The following CEMIP2 variants were observed in gnomAD, a reference collection of about 807,000 sequenced individuals.
CEMIP2 encodes the protein cell migration inducing hyaluronidase 2.
CEMIP2 carries 79 observed loss-of-function variants against 146.9 expected under a neutral mutation model. That is an observed-to-expected ratio of 0.54 (90% CI 0.45 to 0.65). The LOEUF (loss-of-function observed/expected upper bound fraction) is 0.65. Among genes scored for constraint, CEMIP2 ranks in the 30% least tolerant of loss-of-function variants. CEMIP2 has a pLI of 0.00. For missense variants in CEMIP2, 1,596 were observed against 1,696.2 expected, an observed-to-expected ratio of 0.94 and a Z score of 1.04; for synonymous variants, 601 against 606.3, an observed-to-expected ratio of 0.99 and a Z score of 0.13.
At position 71,761,865 on chromosome 9, in the gene CEMIP2, C is replaced by T. The variant is rs948788138; in HGVS notation, c.-13+6492G>A. Among the ~76,000 whole-genome samples, 11 of 152,262 alleles carry T rather than the reference C, an allele frequency of 7.2e-5. 1 individual carries two copies. The highest frequency in any genetic ancestry group is 5.8e-4 in the East Asian group (3 of 5,186). ...GTGATTGCTTGAGTTTATTAAATCCCTATGAATGGAATAGAGCTTAATTTT... is the reference window on the plus strand; with the variant it reads ...GTGATTGCTTGAGTTTATTAAATCCTTATGAATGGAATAGAGCTTAATTTT... On this transcript the variant is annotated intron_variant, in intron 1 of 23. Coordinates refer to ENST00000377044, the MANE Select transcript of CEMIP2 (RefSeq NM_013390.3).
intron 1 of CEMIP2, among the ~76,000 whole-genome samples, chr9:71,757,909 T>G (rs547113757): frequency 6.6e-6 from 1 of 152,310 alleles, no homozygotes; most frequent in East Asian, 1.9e-4. Flanking sequence ...ACTTTTTAGG[T>G]CCTCTAATTC....
chr9:71,756,755 T>C (rs187669698), intron 1 of CEMIP2, among the ~76,000 whole-genome samples: 9 of 152,318 alleles, frequency 5.9e-5, no homozygotes, highest in African/African-American at 1.7e-4. Flanking sequence ...TAAAAGGTAT[T>C]ATTAACAACT....
At chr9:71,749,467 A>G (rs1032999299) in intron 2 of CEMIP2, among the ~76,000 whole-genome samples, 4 of 151,904 alleles carry the variant, frequency 2.6e-5, no homozygotes, top group Non-Finnish European at 5.9e-5. Context: ...GCACTTTGGG[A>G]GGCCAAGACA....
At chr9:71,709,190 T>A in intron 17 of CEMIP2, 69 bp downstream of exon 17, 1 of 1,406,310 alleles carries the variant, frequency 7.1e-7, no homozygotes, top group Non-Finnish European at 1.0e-6. Context: ...AGCTGAAGAG[T>A]ACTTCTCACA....
rs765345895 is a variant in CEMIP2, at chr9:71,745,431, C to T, written c.621G>A (p.Lys207=). The T allele has an allele frequency of 2.5e-6, 4 of 1,614,150 alleles. No individual in the cohort carries two copies. Among genetic ancestry groups the T allele is most frequent in the Non-Finnish European group, 3.4e-6 (4 of 1,180,020 alleles). Residue 207 remains lysine, a synonymous_variant, in exon 4 of 24, where the codon AAG becomes AAA. Transcript: ENST00000377044. ...KSKATITLYG[K]SDEGESMPTF... ...TTGGCATACTTTCACCTTCATCTGA[C>T]TTGCCATACAAGGTAATTGTCGCTT...
intron 18 of CEMIP2, among the ~76,000 whole-genome samples, chr9:71,701,974 A>G (rs1015295428): frequency 6.6e-6 from 1 of 152,192 alleles, no homozygotes; most frequent in Non-Finnish European, 1.5e-5. Context: ...AATTCTTCAC[A>G]TAGCCAGGCG....
At position 71,684,112 on chromosome 9, in the gene CEMIP2, G is replaced by A. The variant is rs1272671006; in HGVS notation, c.*1085C>T. The A allele has an allele frequency of 6.6e-6, 1 of 152,156 alleles. No individual in the cohort carries two copies. Among genetic ancestry groups the A allele is most frequent in the East Asian group, 1.9e-4 (1 of 5,192 alleles). The allele number at this position is 152,156 out of a possible 1,614,324, so 9.4% of individuals were successfully genotyped here. On this transcript the variant is annotated 3_prime_UTR_variant, in exon 24 of 24. Transcript: ENST00000377044. ...AGTAAGAGTGACTCATTCCTGCAAG[G>A]CTTTAAAGAGGTTCATTTCTGAGTA...
rs1462167683 is a variant in CEMIP2, at chr9:71,709,360, C to G, written c.2884G>C (p.Asp962His). The G allele has an allele frequency of 1.9e-6, 3 of 1,614,172 alleles. No individual in the cohort carries two copies. Among genetic ancestry groups the G allele is most frequent in the Non-Finnish European group, 2.5e-6 (3 of 1,180,024 alleles). Residue 962 changes from aspartate (D) to histidine (H), a missense_variant, in exon 17 of 24, where the codon GAT (aspartate) becomes CAT (histidine). Asp to His is a moderately conservative substitution (Grantham distance 81, BLOSUM62 -1). Transcript: ENST00000377044. ...TTGTCCATTCTTCCCACATAAGCATCCTTGTATCCTGTCACAGAGCCATCA... is the reference window on the plus strand; with the variant it reads ...TTGTCCATTCTTCCCACATAAGCATGCTTGTATCCTGTCACAGAGCCATCA... ...DIDGSVTGYK[D>H]AYVGRMDNYL...
rs200003911 is a variant in CEMIP2, at chr9:71,712,058, C to A, written c.2769+25G>T. 3.7e-6 allele frequency: 6 copies of A among 1,606,554 alleles called. No homozygotes were observed. The African/African-American group carries it at 8.0e-5, about 22-fold the overall frequency. On this transcript the variant is annotated intron_variant, in intron 16 of 23. Coordinates refer to ENST00000377044, the MANE Select transcript of CEMIP2 (RefSeq NM_013390.3). ...CCTCCTTTTTTCACCATAGTCACTACGTAAGAACTACAGAACATACTTACA... is the reference window on the plus strand; with the variant it reads ...CCTCCTTTTTTCACCATAGTCACTAAGTAAGAACTACAGAACATACTTACA...
rs1359852619 is a variant in CEMIP2 at position 71,734,922 on chromosome 9, C to A, written c.1277G>T (p.Ser426Ile). 1 of 1,613,642 alleles carries A rather than the reference C, an allele frequency of 6.2e-7. No homozygotes were observed. The highest frequency in any genetic ancestry group is 1.7e-5 in the Admixed American group (1 of 59,946). ...CACAATCTGGTCTCCAGGTTTCCAA[C>A]TACTAACATCATCTAGCAAATTTAG... ...VKLNLLDDVS[S>I]WKPGDQIVVA... Residue 426 changes from serine (S) to isoleucine (I), a missense_variant, in exon 6 of 24, where the codon AGT (serine) becomes ATT (isoleucine). By Grantham distance (142) the Ser-to-Ile change is moderately radical (BLOSUM62 -2). Coordinates refer to ENST00000377044, the MANE Select transcript of CEMIP2 (RefSeq NM_013390.3).
At chr9:71,749,976 A>T in intron 2 of CEMIP2, 67 bp downstream of exon 2, 9 of 1,416,608 alleles carry the variant, frequency 6.4e-6, no homozygotes, top group Non-Finnish European at 8.5e-6. Flanking sequence ...TTTTTTTTTA[A>T]GTATTCTACT....
Position 71,709,316 on chromosome 9 carries a change from T to C in CEMIP2, c.2928A>G (p.Pro976=), listed in dbSNP as rs1255870948. 6.2e-7 allele frequency: 1 copy of C among 1,614,170 alleles called. No homozygotes were observed. The highest frequency in any genetic ancestry group is 8.5e-7 in the Non-Finnish European group (1 of 1,180,008). The change falls in exon 17 of 24, where the codon CCA becomes CCG. Residue 976 remains proline (P), a synonymous_variant. Coordinates refer to ENST00000377044, the MANE Select transcript of CEMIP2 (RefSeq NM_013390.3). ...TCCACTTAGACACATTTACACAGCT[T>C]GGATGGCGGATCAGGTAGTTGTCCA... is the stretch of plus-strand genomic sequence containing the variant. The part of the protein sequence containing the change: ...GRMDNYLIRH[P]SCVNVSKWNA...
intron 10 of CEMIP2, among the ~76,000 whole-genome samples, chr9:71,729,062 A>G (rs1403813892): frequency 6.6e-6 from 1 of 151,100 alleles, no homozygotes; most frequent in Non-Finnish European, 1.5e-5. Context: ...CTGGTCTCGA[A>G]CTCCTGAGCT....
rs143019758 is a variant in CEMIP2 at position 71,730,622 on chromosome 9, A to G, written c.1773+83T>C. ...CAAGGCATGTGGCTAAACAGTTTAC[A>G]TATATAAAATTGAGAAGACATGAGA... On this transcript the variant is annotated intron_variant, in intron 8 of 23. Transcript: ENST00000377044. The G allele has an allele frequency of 3.8e-4, 528 of 1,393,118 alleles. 2 individuals carry two copies. The African/African-American group carries it at 6.5e-3, about 17-fold the overall frequency. The allele number at this position is 1,393,118 out of a possible 1,614,324, so 86.3% of individuals were successfully genotyped here.
chr9:71,761,252 A>G (rs1217345422), intron 1 of CEMIP2, among the ~76,000 whole-genome samples: 1 of 152,282 alleles, frequency 6.6e-6, no homozygotes, highest in Non-Finnish European at 1.5e-5. Context: ...ATGCATTAAA[A>G]TACTTCTCAG....
intron 1 of CEMIP2, among the ~76,000 whole-genome samples, chr9:71,759,373 T>G (rs1341668049): frequency 2.0e-5 from 3 of 152,060 alleles, no homozygotes; most frequent in Admixed American, 6.5e-5. Context: ...TATAAGAAAC[T>G]GTGGGGGTCA....
At chr9:71,702,281 T>A (rs200043918) in intron 18 of CEMIP2, among the ~76,000 whole-genome samples, 98 of 103,676 alleles carry the variant, frequency 9.5e-4, no homozygotes, top group East Asian at 9.4e-3. Context: ...AAAAAAAAAA[T>A]ATTGTTCACC....
intron 22 of CEMIP2, among the ~76,000 whole-genome samples, chr9:71,687,943 A>G (rs1174562267): frequency 6.6e-6 from 1 of 152,162 alleles, no homozygotes; most frequent in African/African-American, 2.4e-5. Context: ...TGCAGCCTCA[A>G]ACTCTTGGGC....
chr9:71,693,620 AC>A (rs1822299683), intron 21 of CEMIP2, among the ~76,000 whole-genome samples: 1 of 152,062 alleles, frequency 6.6e-6, no homozygotes, highest in African/African-American at 2.4e-5. Context: ...CAGGAAAAAA[AC>A]ATTTCTTAAA....
Sources: gnomAD v4.1 joint callset for allele counts (sites outside exome capture counted in the v4.1 genomes callset) on GRCh38, gnomAD v4.1.1 for gene constraint, MANE v1.5 for transcripts, NCBI Gene and HGNC (gene_info 2026-07-23, HGNC 2026-07-21) for gene names.